TEX14: variants seen among roughly 807,000 people sequenced by gnomAD.
TEX14 encodes testis expressed 14, intercellular bridge forming factor, also known as inactive serine/threonine-protein kinase TEX14.
Under a neutral mutation model 178.6 loss-of-function variants are expected in TEX14, and 168 were observed. The ratio of observed to expected loss-of-function variants is 0.94; its 90% CI spans 0.83 to 1.07. TEX14 has a LOEUF of 1.07. Ranked by LOEUF, TEX14 falls within the 50% of genes least tolerant of loss-of-function variation. The pLI is 0.00. For synonymous variants in TEX14, 626 were observed against 634.1 expected (o/e 0.99, Z 0.19); for missense variants, 1,730 against 1,753.6 (o/e 0.99, Z 0.24).
intron 11 of TEX14, among the ~76,000 whole-genome samples, chr17:58,603,174 T>C (rs548984005): frequency 6.6e-6 from 1 of 152,120 alleles, no homozygotes; most frequent in African/African-American, 2.4e-5. Flanking sequence ...CAGCAACATG[T>C]ACACATGGGC....
chr17:58,678,759 C>T (rs2047436850), intron 1 of TEX14, among the ~76,000 whole-genome samples: 1 of 150,958 alleles, frequency 6.6e-6, no homozygotes, highest in African/African-American at 2.4e-5. Flanking sequence ...ACCAACATGG[C>T]ACATGTATAC....
intron 21 of TEX14, among the ~76,000 whole-genome samples, chr17:58,575,176 G>A (rs911114684): frequency 1.4e-4 from 21 of 149,242 alleles, no homozygotes; most frequent in South Asian, 4.2e-4. Context: ...GTGCAATGGC[G>A]CGATCTCAGC....
At chr17:58,594,546 T>C (rs2045235053) in intron 14 of TEX14, among the ~76,000 whole-genome samples, 1 of 151,850 alleles carries the variant, frequency 6.6e-6, no homozygotes, top group African/African-American at 2.4e-5. Context: ...AGAGACGTGG[T>C]TTCACCATGT....
intron 2 of TEX14, among the ~76,000 whole-genome samples, chr17:58,651,513 A>G (rs2046839075): frequency 6.6e-6 from 1 of 152,188 alleles, no homozygotes; most frequent in South Asian, 2.1e-4. Flanking sequence ...AGCTGTGAAC[A>G]CTGGCCTCCT....
Position 58,587,774 on chromosome 17 carries a change from C to G in TEX14, c.2703-108G>C, listed in dbSNP as rs2045014128. On this transcript the variant is annotated intron_variant, in intron 16 of 31. Coordinates refer to ENST00000349033, the MANE Select transcript of TEX14 (RefSeq NM_031272.5). ...AAAGCCCACCAGCCCATCCAGAGGACCTGTTCCCTACTCCCTAAGCCATTC... is the reference window on the plus strand; with the variant it reads ...AAAGCCCACCAGCCCATCCAGAGGAGCTGTTCCCTACTCCCTAAGCCATTC... 4 of 1,152,954 alleles carry G rather than the reference C, an allele frequency of 3.5e-6. No homozygotes were observed. The Admixed American group carries it at 7.4e-5, about 21-fold the overall frequency. 71.4% of individuals were successfully genotyped at this position (1,152,954 alleles called of 1,614,324 possible).
intron 1 of TEX14, among the ~76,000 whole-genome samples, chr17:58,668,030 A>G (rs2143440391): frequency 6.6e-6 from 1 of 152,188 alleles, no homozygotes; most frequent in African/African-American, 2.4e-5. Context: ...AAGTCAATTT[A>G]GCTGAAACCC....
intron 1 of TEX14, among the ~76,000 whole-genome samples, chr17:58,656,532 G>A (rs1054932334): frequency 6.6e-6 from 1 of 151,968 alleles, no homozygotes; most frequent in Non-Finnish European, 1.5e-5. Flanking sequence ...GAGGCAGGTG[G>A]ATCATGAGGT....
At chr17:58,629,660 C>A (rs2046234553) in intron 3 of TEX14, among the ~76,000 whole-genome samples, 1 of 151,004 alleles carries the variant, frequency 6.6e-6, no homozygotes, top group Non-Finnish European at 1.5e-5. Flanking sequence ...ATCATGAAAC[C>A]CCGTCTCTAC....
At chr17:58,564,571 A>G (rs1408165044) in intron 28 of TEX14, among the ~76,000 whole-genome samples, 2 of 152,184 alleles carry the variant, frequency 1.3e-5, no homozygotes, top group African/African-American at 2.4e-5. Flanking sequence ...CAAGATGAAA[A>G]GGTTTGGGAC....
At chr17:58,561,823 C>T (rs1217259084) in intron 28 of TEX14, among the ~76,000 whole-genome samples, 1 of 152,342 alleles carries the variant, frequency 6.6e-6, no homozygotes, top group East Asian at 1.9e-4. Flanking sequence ...TGGTGGCTCA[C>T]ATCTGTAATC....
At chr17:58,584,654 A>G (rs1331070592) in intron 18 of TEX14, 54 bp from the exon 19 acceptor site, 1 of 1,364,216 alleles carries the variant, frequency 7.3e-7, no homozygotes, top group East Asian at 2.3e-5. Flanking sequence ...TTCAGACAAC[A>G]TGGAAGAGGA....
At chr17:58,676,394 C>A (rs984879400) in intron 1 of TEX14, among the ~76,000 whole-genome samples, 3 of 144,868 alleles carry the variant, frequency 2.1e-5, no homozygotes, top group Admixed American at 6.9e-5. Context: ...ACCAAAAAAA[C>A]AAAAAAAAAC....
chr17:58,656,753 A>G (rs1480014836), intron 1 of TEX14, among the ~76,000 whole-genome samples: 3 of 146,240 alleles, frequency 2.1e-5, no homozygotes, highest in African/African-American at 7.5e-5. Context: ...CTCTGTCTCA[A>G]AAAAAAAAAA....
chr17:58,589,254 C>G (rs985468033), intron 15 of TEX14, among the ~76,000 whole-genome samples: 1 of 149,014 alleles, frequency 6.7e-6, no homozygotes, highest in Admixed American at 6.7e-5. Context: ...CAGAGCGAGA[C>G]TCTATTTCCA....
Position 58,605,224 on chromosome 17 carries a change from C to T in TEX14, c.1185-95G>A. On this transcript the variant is annotated intron_variant, in intron 10 of 31. Coordinates refer to ENST00000349033, the MANE Select transcript of TEX14 (RefSeq NM_031272.5). ...ATTCTTTCATTCATTCAGAGTCTTGCCCTGTCACCCAGGCTGGAAAGCAGC... is the reference window on the plus strand; with the variant it reads ...ATTCTTTCATTCATTCAGAGTCTTGTCCTGTCACCCAGGCTGGAAAGCAGC... 8.5e-6 allele frequency: 12 copies of T among 1,415,088 alleles called. No individual in the cohort carries two copies. In the South Asian group the frequency reaches 1.6e-4, roughly 19 times the overall value. The allele number at this position is 1,415,088 out of a possible 1,614,324, so 87.7% of individuals were successfully genotyped here. A position where few individuals can be genotyped will look rare whatever the true frequency, so the allele number is the denominator to read the frequency against.
rs775427906 is a variant in TEX14, at chr17:58,571,927, A to G, written c.3711T>C (p.Thr1237=). The G allele has an allele frequency of 6.8e-6, 11 of 1,613,132 alleles. No individual in the cohort carries two copies. The South Asian group carries it at 1.2e-4, about 18-fold the overall frequency. ...GTGGAATTGATATACTTACAAGACC[A>G]GTCAGTCTTGAAGGGGGAGTTTCAG... is the stretch of plus-strand genomic sequence containing the variant. ...TSSETPPSRL[T]GLKRLSSFIG... The change falls in exon 24 of 32, where the codon ACT becomes ACC. Residue 1237 remains threonine, a synonymous_variant. Coordinates refer to ENST00000349033, the MANE Select transcript of TEX14 (RefSeq NM_031272.5).
chr17:58,690,407 G>A (rs917020692), intron 1 of TEX14, among the ~76,000 whole-genome samples: 1 of 152,084 alleles, frequency 6.6e-6, no homozygotes, highest in Non-Finnish European at 1.5e-5. Flanking sequence ...ATCAAGCGAT[G>A]TGCCCTCTTT....
intron 8 of TEX14, among the ~76,000 whole-genome samples, chr17:58,613,801 G>A (rs2045806715): frequency 6.6e-6 from 1 of 152,000 alleles, no homozygotes; most frequent in Admixed American, 6.6e-5. Context: ...CAAGTAGCTG[G>A]GATTACGGAT....
intron 13 of TEX14, among the ~76,000 whole-genome samples, chr17:58,600,957 T>C (rs960773363): frequency 3.3e-5 from 5 of 152,096 alleles, no homozygotes; most frequent in African/African-American, 1.2e-4. Context: ...TACTAAAATG[T>C]AGTAAAATTG....
Sources: allele counts gnomAD v4.1 joint callset (sites outside exome capture counted in the v4.1 genomes callset), GRCh38; gene constraint gnomAD v4.1.1; transcripts MANE v1.5; gene names NCBI Gene and HGNC (gene_info 2026-07-23, HGNC 2026-07-21).